The following MRPL22 variants were observed in gnomAD, a reference collection of about 807,000 sequenced individuals.
MRPL22 encodes the protein mitochondrial ribosomal protein L22.
MRPL22 carries 27 observed loss-of-function variants against 32.4 expected under a neutral mutation model. The observed-to-expected ratio is 0.83, with a 90% confidence interval of 0.61 to 1.15. The LOEUF is 1.15. MRPL22 is among the 50% of genes most tolerant of loss of function. The probability of loss-of-function intolerance (pLI) is 0.00; values close to 1 mark genes in which losing one functional copy is unlikely to be tolerated. For synonymous variants in MRPL22, 86 were observed against 87.3 expected, an observed-to-expected ratio of 0.99 and a Z score of 0.08; for missense variants, 239 against 260.2, an observed-to-expected ratio of 0.92 and a Z score of 0.56.
At chr5:154,953,187 T>C (rs999905236) in intron 3 of MRPL22, among the ~76,000 whole-genome samples, 8 of 151,380 alleles carry the variant, frequency 5.3e-5, no homozygotes, top group Non-Finnish European at 1.0e-4. Flanking sequence ...GAAGTCACAT[T>C]TCTACTAAAA....
intron 2 of MRPL22, 65 bp from the exon 3 acceptor site, chr5:154,950,754 GAT>G: frequency 1.0e-6 from 1 of 1,000,312 alleles, no homozygotes; most frequent in African/African-American, 1.6e-5. Context: ...TGGTTCAAAA[GAT>G]ATGTAAACTC....
In MRPL22 at chr5:154,941,307, C is replaced by T. The variant is rs749477010; in HGVS notation, c.77+42C>T. On this transcript the variant is annotated intron_variant, in intron 2 of 6. Transcript: ENST00000523037. ...GGAGTTTCGGAAGGGCCCAAGGCAT[C>T]TTTAGTATTCTGCCAGTTGGTAACT... 5 of 1,610,728 alleles carry T rather than the reference C, an allele frequency of 3.1e-6. No individual in the cohort carries two copies. In the African/African-American group the frequency reaches 5.4e-5, roughly 17 times the overall value.
In MRPL22 at chr5:154,967,930, G is replaced by A. The variant is rs2113017738; in HGVS notation, c.*1033G>A. 1 of 152,304 alleles carries A rather than the reference G, an allele frequency of 6.6e-6. No homozygotes were observed. The highest frequency in any genetic ancestry group is 2.4e-5 in the African/African-American group (1 of 41,570). 9.4% of individuals were successfully genotyped at this position (152,304 alleles called of 1,614,324 possible). A position where few individuals can be genotyped will look rare whatever the true frequency, so the allele number is the denominator to read the frequency against. ...ATTCTGTTGTAGGGGACTACGCTTT[G>A]AGAATACGGCTTTAGGAGAATGAAA... is the stretch of plus-strand genomic sequence containing the variant. On this transcript the variant is annotated 3_prime_UTR_variant, in exon 7 of 7. Coordinates refer to ENST00000523037, the MANE Select transcript of MRPL22 (RefSeq NM_014180.4). This position sits in a 1 kb window ranked among gnomAD's most constrained non-coding sequence, Gnocchi z 4.7.
Position 154,959,969 on chromosome 5 carries a change from T to G in MRPL22, c.340-11T>G, listed in dbSNP as rs750385536. 1 of 1,602,524 alleles carries G rather than the reference T, an allele frequency of 6.2e-7. No individual in the cohort carries two copies. Among genetic ancestry groups the G allele is most frequent in the Admixed American group, 1.7e-5 (1 of 58,580 alleles). On this transcript the variant is annotated splice_polypyrimidine_tract_variant and intron_variant, in intron 5 of 6. Coordinates refer to ENST00000523037, the MANE Select transcript of MRPL22 (RefSeq NM_014180.4). The stretch of plus-strand genomic sequence containing the variant: ...TTAGCCGTATAAATGCTTTTCTTTT[T>G]CTTATTTAAGGTTCTCTTAGAAGCA...
intron 2 of MRPL22, among the ~76,000 whole-genome samples, chr5:154,944,174 T>C (rs137964069): frequency 1.4e-3 from 216 of 152,156 alleles, no homozygotes; most frequent in African/African-American, 4.7e-3. Flanking sequence ...GCCAAGCTGG[T>C]CTCAAACTCC....
At chr5:154,954,931 A>G (rs986797165) in intron 3 of MRPL22, among the ~76,000 whole-genome samples, 1 of 151,678 alleles carries the variant, frequency 6.6e-6, no homozygotes, top group African/African-American at 2.4e-5. Flanking sequence ...AGCTGGGACC[A>G]CAGGCGCCGG....
At chr5:154,944,861 G>T (rs1764466795) in intron 2 of MRPL22, among the ~76,000 whole-genome samples, 1 of 152,162 alleles carries the variant, frequency 6.6e-6, no homozygotes, top group Non-Finnish European at 1.5e-5. Context: ...AGCATTCTGT[G>T]CAGATAGAAT....
chr5:154,966,630 G>T, intron 6 of MRPL22, 56 bp from the exon 7 acceptor site: 2 of 1,577,874 alleles, frequency 1.3e-6, no homozygotes, highest in South Asian at 1.1e-5. Flanking sequence ...TTGCTCAGCT[G>T]ATCAGGCTTG....
At chr5:154,946,383 C>T (rs540369821) in intron 2 of MRPL22, among the ~76,000 whole-genome samples, 11 of 152,108 alleles carry the variant, frequency 7.2e-5, no homozygotes, top group East Asian at 1.9e-4. Context: ...GAACCATAAA[C>T]GTTTATGATT....
chr5:154,941,307 C>G (rs749477010), intron 2 of MRPL22, 42 bp downstream of exon 2: 1 of 1,610,728 alleles, frequency 6.2e-7, no homozygotes, highest in Non-Finnish European at 8.5e-7. Flanking sequence ...CCCAAGGCAT[C>G]TTTAGTATTC....
At chr5:154,965,292 G>A (rs1764752390) in intron 6 of MRPL22, among the ~76,000 whole-genome samples, 2 of 152,170 alleles carry the variant, frequency 1.3e-5, no homozygotes, top group Admixed American at 6.5e-5. Flanking sequence ...TATGTATTCT[G>A]TAGATTTTAC....
At chr5:154,962,195 T>G (rs1764714866) in intron 6 of MRPL22, among the ~76,000 whole-genome samples, 1 of 152,216 alleles carries the variant, frequency 6.6e-6, no homozygotes, top group Non-Finnish European at 1.5e-5. Context: ...GAGTATGATG[T>G]GTCAGACATT....
intron 5 of MRPL22, among the ~76,000 whole-genome samples, chr5:154,958,341 C>T (rs896927195): frequency 1.6e-4 from 25 of 151,954 alleles, no homozygotes; most frequent in African/African-American, 6.0e-4. Context: ...CAGTTCATAC[C>T]TTTCAGTTTA....
intron 6 of MRPL22, among the ~76,000 whole-genome samples, chr5:154,963,676 G>T (rs926939280): frequency 1.3e-5 from 2 of 152,188 alleles, no homozygotes; most frequent in Non-Finnish European, 2.9e-5. Flanking sequence ...TACAAAAAGG[G>T]TATAAGTTTG....
intron 6 of MRPL22, among the ~76,000 whole-genome samples, chr5:154,963,334 T>G (rs1764727716): frequency 6.6e-6 from 1 of 152,240 alleles, no homozygotes; most frequent in Admixed American, 6.5e-5. Context: ...TCTTAATGTA[T>G]TCTTTCATTC....
At position 154,965,272 on chromosome 5, in the gene MRPL22, G is replaced by A. The variant is rs115483185; in HGVS notation, c.410-1414G>A. Reference sequence around the variant, plus strand: ...TATAAGAATGATGAGTGTTGAAATGGATAATTTGATATGTATTCTGTAGAT... The same window carrying A: ...TATAAGAATGATGAGTGTTGAAATGAATAATTTGATATGTATTCTGTAGAT... On this transcript the variant is annotated intron_variant, in intron 6 of 6. Coordinates refer to ENST00000523037, the MANE Select transcript of MRPL22 (RefSeq NM_014180.4). Among the ~76,000 whole-genome samples, 1,351 of 152,256 alleles carry A rather than the reference G, an allele frequency of 8.9e-3. 17 individuals carry two copies. The highest frequency in any genetic ancestry group is 0.015 in the Non-Finnish European group (1,028 of 68,006).
In MRPL22 at chr5:154,967,051, C is replaced by T. The variant is rs565985908; in HGVS notation, c.*154C>T. 9.0e-5 allele frequency: 81 copies of T among 903,250 alleles called. No homozygotes were observed. The African/African-American group carries it at 1.3e-3, about 14-fold the overall frequency. The allele number at this position is 903,250 out of a possible 1,614,324, so 56.0% of individuals were successfully genotyped here. A position where few individuals can be genotyped will look rare whatever the true frequency, so the allele number is the denominator to read the frequency against. The stretch of plus-strand genomic sequence containing the variant: ...AAATGAATATTTATAAGGCTTTGCC[C>T]ATTTCTTTTGAGCCTCTGGGCATAT... On this transcript the variant is annotated 3_prime_UTR_variant, in exon 7 of 7. Transcript: ENST00000523037. The surrounding 1 kb of genome is among the most constrained non-coding windows in gnomAD (Gnocchi z 4.7).
chr5:154,949,062 T>C (rs1167632816), intron 2 of MRPL22, among the ~76,000 whole-genome samples: 6 of 152,220 alleles, frequency 3.9e-5, no homozygotes, highest in African/African-American at 1.2e-4. Context: ...ATGGCTTCTT[T>C]GCTTTCTGAT....
At chr5:154,959,633 G>C (rs922346539) in intron 5 of MRPL22, among the ~76,000 whole-genome samples, 3 of 152,198 alleles carry the variant, frequency 2.0e-5, no homozygotes, top group Non-Finnish European at 4.4e-5. Flanking sequence ...ATGGACATGT[G>C]AACCACTGCA....
Sources: allele counts gnomAD v4.1 joint callset (sites outside exome capture counted in the v4.1 genomes callset), GRCh38; gene constraint gnomAD v4.1.1; non-coding constraint Gnocchi (gnomAD v3.1); transcripts MANE v1.5; gene names NCBI Gene and HGNC (gene_info 2026-07-23, HGNC 2026-07-21).